Variants in NEO1 observed in about 807,000 individuals in gnomAD.
The protein encoded by NEO1 is neogenin 1.
NEO1 carries 63 observed loss-of-function variants against 159.7 expected under a neutral mutation model. That is an observed-to-expected ratio of 0.39 (90% CI 0.32 to 0.49). The LOEUF (loss-of-function observed/expected upper bound fraction) is 0.49. NEO1 is among the 20% of genes least tolerant of loss of function. NEO1 has a pLI of 0.85. For missense variants in NEO1, 1,615 were observed against 1,831.0 expected, an observed-to-expected ratio of 0.88 and a Z score of 2.15; for synonymous variants, 633 against 662.0, an observed-to-expected ratio of 0.96 and a Z score of 0.67.
At chr15:73,272,353 TGCC>T (rs2041211543) in intron 18 of NEO1, 99 bp from the exon 19 acceptor site, 7 of 718,718 alleles carry the variant, frequency 9.7e-6, no homozygotes, top group Admixed American at 8.5e-5. Context: ...TTATCTTTTT[TGCC>T]TTGTGCCCTT....
chr15:73,096,426 A>G (rs1186050075), intron 1 of NEO1, among the ~76,000 whole-genome samples: 1 of 152,220 alleles, frequency 6.6e-6, no homozygotes, highest in Non-Finnish European at 1.5e-5. Flanking sequence ...AATGTTGAAG[A>G]CAAAGCACAA....
intron 4 of NEO1, among the ~76,000 whole-genome samples, chr15:73,133,933 T>C (rs1457857634): frequency 3.3e-5 from 5 of 152,192 alleles, no homozygotes; most frequent in Admixed American, 6.5e-5. Flanking sequence ...GTATCAACAA[T>C]ATTTTTTAGT....
At chr15:73,142,266 CAG>C (rs755606680) in intron 5 of NEO1, among the ~76,000 whole-genome samples, 12 of 152,110 alleles carry the variant, frequency 7.9e-5, no homozygotes, top group Non-Finnish European at 1.3e-4. Flanking sequence ...TTGAGATCAG[CAG>C]AGAGAGTCAA....
intron 23 of NEO1, 129 bp downstream of exon 23, chr15:73,283,240 A>G (rs958153393): frequency 1.3e-5 from 15 of 1,144,990 alleles, no homozygotes; most frequent in Middle Eastern, 3.0e-4. Context: ...AAGATATTTT[A>G]AAAGAAAATG....
At chr15:73,147,399 A>G (rs1195046348) in intron 5 of NEO1, among the ~76,000 whole-genome samples, 2 of 152,208 alleles carry the variant, frequency 1.3e-5, no homozygotes, top group African/African-American at 4.8e-5. Context: ...CCATGCCACC[A>G]GCCATCCATC....
chr15:73,051,717 G>C (rs2067445712), upstream of NEO1: 1 of 151,786 alleles, frequency 6.6e-6, no homozygotes. Flanking sequence ...GGAGGTCAGC[G>C]GCTGCGCGGC....
intron 9 of NEO1, 151 bp from the exon 10 acceptor site, chr15:73,248,909 A>G: frequency 1.5e-6 from 1 of 681,406 alleles, no homozygotes; most frequent in South Asian, 2.7e-5. Context: ...ATGTGTTTAT[A>G]TATTATTCTA....
intron 1 of NEO1, among the ~76,000 whole-genome samples, chr15:73,111,214 G>T (rs1377412190): frequency 6.6e-6 from 1 of 152,144 alleles, no homozygotes; most frequent in African/African-American, 2.4e-5. Flanking sequence ...GGGCACACAA[G>T]CATCTGTACA....
chr15:73,295,122 T>C (rs1252916702), intron 26 of NEO1, among the ~76,000 whole-genome samples: 1 of 79,750 alleles, frequency 1.3e-5, no homozygotes, highest in Non-Finnish European at 2.8e-5. Context: ...CTACTAAATA[T>C]TAAATATATA....
intron 7 of NEO1, among the ~76,000 whole-genome samples, chr15:73,188,438 G>A (rs186449582): frequency 9.9e-4 from 150 of 152,120 alleles, no homozygotes; most frequent in African/African-American, 3.4e-3. Flanking sequence ...TCATTACAGG[G>A]GTTCAAAGGC....
At chr15:73,155,573 T>C (rs1365056714) in intron 5 of NEO1, among the ~76,000 whole-genome samples, 1 of 152,196 alleles carries the variant, frequency 6.6e-6, no homozygotes, top group East Asian at 1.9e-4. Flanking sequence ...CTTTCTGATT[T>C]TTCTTTCCCC....
intron 7 of NEO1, among the ~76,000 whole-genome samples, chr15:73,202,250 AC>A (rs2152059225): frequency 6.6e-6 from 1 of 152,290 alleles, no homozygotes; most frequent in African/African-American, 2.4e-5. Context: ...GGCATGAGCC[AC>A]TGTGCCTGGC....
chr15:73,236,428 C>T lies in NEO1; in HGVS notation c.1373C>T (p.Thr458Met), dbSNP rs142333707. 54 of 1,614,028 alleles carry T rather than the reference C, an allele frequency of 3.3e-5. No homozygotes were observed. Among genetic ancestry groups the T allele is most frequent in the Admixed American group, 1.0e-4 (6 of 60,004 alleles). The change falls in exon 8 of 29, where the codon ACG becomes ATG. Residue 458 changes from threonine to methionine, a missense_variant. Transcript: ENST00000261908. The part of the protein sequence containing the change: ...SLVSTRFIKL[T>M]WRTPASDPHG... ...GTCTCTACCCGCTTCATCAAATTGA[C>T]GTGGCGGACACCTGCATCAGATCCT...
chr15:73,088,185 AAGG>A (rs992757475), intron 1 of NEO1, among the ~76,000 whole-genome samples: 1 of 151,838 alleles, frequency 6.6e-6, no homozygotes, highest in Non-Finnish European at 1.5e-5. Flanking sequence ...TTTTTAAAGG[AAGG>A]AGTGGAAGTG....
chr15:73,267,629 A>G (rs966884134), intron 16 of NEO1, among the ~76,000 whole-genome samples: 6 of 146,284 alleles, frequency 4.1e-5, no homozygotes, highest in Admixed American at 7.2e-5. Context: ...ATGAGTGAGA[A>G]CATGCGGTGT....
intron 25 of NEO1, 22 bp downstream of exon 25, chr15:73,289,260 C>T: frequency 1.3e-6 from 2 of 1,597,636 alleles, no homozygotes; most frequent in African/African-American, 1.3e-5. Flanking sequence ...CATCTCTTTT[C>T]CTCAGTGCTA....
Position 73,162,384 on chromosome 15 carries a change from TTTGTTG to T in NEO1, c.1016-13997_1016-13992del, listed in dbSNP as rs112258191. ...GCCACTATTACTTTATTTATTTTGT[TTTGTTG>T]TTGTTGTTGTTGTTGTTGTTGAGAC... On this transcript the variant is annotated intron_variant, in intron 5 of 28. Transcript: ENST00000261908. 7.6e-5 allele frequency: 12 copies of T among 157,340 alleles called. No homozygotes were observed. The East Asian group carries it at 1.6e-3, about 21-fold the overall frequency. The allele number at this position is 157,340 out of a possible 1,614,324, so 9.7% of individuals were successfully genotyped here.
At chr15:73,063,076 C>T (rs1161106089) in intron 1 of NEO1, among the ~76,000 whole-genome samples, 1 of 152,084 alleles carries the variant, frequency 6.6e-6, no homozygotes, top group African/African-American at 2.4e-5. Flanking sequence ...ACCACTAGAC[C>T]TAGAATAAGA....
intron 5 of NEO1, among the ~76,000 whole-genome samples, chr15:73,148,153 T>C (rs1443035799): frequency 2.6e-5 from 4 of 152,162 alleles, no homozygotes; most frequent in Non-Finnish European, 5.9e-5. Context: ...TTATTTTTAT[T>C]GAACCATATT....
Sources: allele counts gnomAD v4.1 joint callset (sites outside exome capture counted in the v4.1 genomes callset), GRCh38; gene constraint gnomAD v4.1.1; transcripts MANE v1.5; gene names NCBI Gene and HGNC (gene_info 2026-07-23, HGNC 2026-07-21).